The following COX18 variants were observed in gnomAD, a reference collection of about 807,000 sequenced individuals.
COX18 encodes cytochrome c oxidase assembly factor COX18, also known as cytochrome c oxidase assembly protein COX18, mitochondrial.
A neutral mutation model predicts 38.0 loss-of-function variants in COX18; 45 were observed. That is an observed-to-expected ratio of 1.18 (90% confidence interval 0.93 to 1.52). The LOEUF (loss-of-function observed/expected upper bound fraction) is 1.52. COX18 is among the 40% of genes most tolerant of loss of function. COX18 has a pLI of 0.00. For missense variants in COX18, 462 were observed against 423.8 expected, an observed-to-expected ratio of 1.09 and a Z score of -0.79; for synonymous variants, 177 against 169.8, an observed-to-expected ratio of 1.04 and a Z score of -0.33.
intron 5 of COX18, 142 bp downstream of exon 5, chr4:73,061,671 G>GCA (rs1427892974): frequency 7.0e-6 from 4 of 572,272 alleles, no homozygotes; most frequent in African/African-American, 4.3e-5. Flanking sequence ...TCGCGCCACT[G>GCA]CACTCCAGCC....
At chr4:73,062,631 C>T (rs1720232813) in intron 4 of COX18, among the ~76,000 whole-genome samples, 1 of 152,154 alleles carries the variant, frequency 6.6e-6, no homozygotes, top group Non-Finnish European at 1.5e-5. Context: ...GAGTTTGAGA[C>T]CAGCCTAGGC....
chr4:73,068,252 C>T (rs1013230038), intron 1 of COX18, 123 bp from the exon 2 acceptor site: 3 of 619,280 alleles, frequency 4.8e-6, no homozygotes, highest in Non-Finnish European at 8.1e-6. Context: ...ATCAAGAAAT[C>T]TTAATTCTAA....
In COX18 at chr4:73,069,673, A is replaced by T; in HGVS notation, c.-24T>A. On this transcript the variant is annotated 5_prime_UTR_variant, in exon 1 of 6. Coordinates refer to ENST00000507544, the MANE Select transcript of COX18 (RefSeq NM_001297732.2). Reference sequence around the variant, plus strand: ...ATTTCTGCACCACGGCGGAGCCCAGATCCCGGGCCTCACAATCCAGCGGAC... The same window carrying T: ...ATTTCTGCACCACGGCGGAGCCCAGTTCCCGGGCCTCACAATCCAGCGGAC... The T allele has an allele frequency of 6.5e-7, 1 of 1,537,724 alleles. No individual in the cohort carries two copies. The highest frequency in any genetic ancestry group is 8.7e-7 in the Non-Finnish European group (1 of 1,147,048).
rs1446099477 is a variant in COX18, at chr4:73,057,906, AG to A, written c.*207del. 1 of 291,854 alleles carries A rather than the reference AG, an allele frequency of 3.4e-6. No individual in the cohort carries two copies. Among genetic ancestry groups the A allele is most frequent in the Non-Finnish European group, 6.6e-6 (1 of 151,030 alleles). The allele number at this position is 291,854 out of a possible 1,614,324, so 18.1% of individuals were successfully genotyped here. A position where few individuals can be genotyped will look rare whatever the true frequency, so the allele number is the denominator to read the frequency against. ...AGGCTGGTCTCAAACTCCAGACCTC[AG>A]GTGATCCACCCACCTCGACCTCCCA... On this transcript the variant is annotated 3_prime_UTR_variant, in exon 6 of 6. Transcript: ENST00000507544.
At chr4:73,059,094 G>A (rs2110046933) in intron 5 of COX18, among the ~76,000 whole-genome samples, 1 of 152,252 alleles carries the variant, frequency 6.6e-6, no homozygotes, top group South Asian at 2.1e-4. Context: ...GCTCCTAATC[G>A]GCTATGGACC....
intron 4 of COX18, 41 bp downstream of exon 4, chr4:73,064,736 AT>A: frequency 6.2e-7 from 1 of 1,600,496 alleles, no homozygotes. Context: ...AGCAACAAAA[AT>A]CCCCATAAAT....
Position 73,055,517 on chromosome 4 carries a change from GC to G in COX18, c.*2596del, listed in dbSNP as rs1327278685. 6.6e-6 allele frequency: 1 copy of G among 152,132 alleles called. No homozygotes were observed. Among genetic ancestry groups the G allele is most frequent in the African/African-American group, 2.4e-5 (1 of 41,404 alleles). The allele number at this position is 152,132 out of a possible 1,614,324, so 9.4% of individuals were successfully genotyped here. A position where few individuals can be genotyped will look rare whatever the true frequency, so the allele number is the denominator to read the frequency against. On this transcript the variant is annotated 3_prime_UTR_variant, in exon 6 of 6. Transcript: ENST00000507544. ...ATCTAATATACTTATTTTCTCCTAA[GC>G]CTTCCTGAGCTTAGGAACATCAGAA...
chr4:73,069,731 G>C, upstream of COX18: 6 of 1,357,052 alleles, frequency 4.4e-6, no homozygotes, highest in Non-Finnish European at 6.1e-6. Context: ...ATACGCGCAC[G>C]CGCCAGCAAC....
chr4:73,067,981 TGTG>T, intron 2 of COX18, 45 bp downstream of exon 2: 2 of 998,006 alleles, frequency 2.0e-6, no homozygotes, highest in Non-Finnish European at 3.2e-6. Flanking sequence ...TGTGTGTGTG[TGTG>T]TGTGTATGTG....
At position 73,053,321 on chromosome 4, in the gene COX18, G is replaced by C. The variant is rs1719793223; in HGVS notation, c.*4793C>G. On this transcript the variant is annotated 3_prime_UTR_variant, in exon 6 of 6. Transcript: ENST00000507544. ...AGAGGAGGAGTCAGCCCATAAAAGG[G>C]AAGAAAGTTTCGTTATTGGGAAATC... 2 of 152,182 alleles carry C rather than the reference G, an allele frequency of 1.3e-5. No homozygotes were observed. The highest frequency in any genetic ancestry group is 4.8e-5 in the African/African-American group (2 of 41,418). The allele number at this position is 152,182 out of a possible 1,614,324, so 9.4% of individuals were successfully genotyped here.
chr4:73,063,945 C>T (rs182422771), intron 4 of COX18, among the ~76,000 whole-genome samples: 5 of 152,318 alleles, frequency 3.3e-5, no homozygotes, highest in African/African-American at 1.2e-4. Context: ...TATATGCACG[C>T]TTTCCCTAAA....
intron 2 of COX18, 67 bp downstream of exon 2, chr4:73,067,954 ATGTGTGTG>A (rs10610509): frequency 0.055 from 32,112 of 582,758 alleles, 29 homozygotes; most frequent in South Asian, 0.09. Flanking sequence ...CAATTTATGT[ATGTGTGTG>A]TGTGTGTGTG....
intron 2 of COX18, among the ~76,000 whole-genome samples, chr4:73,067,029 T>C (rs528309294): frequency 2.6e-5 from 4 of 152,074 alleles, no homozygotes; most frequent in East Asian, 1.9e-4. Context: ...GATTGAGGAG[T>C]TGATTGAAGC....
intron 1 of COX18, 24 bp downstream of exon 1, chr4:73,069,293 C>A: frequency 1.4e-6 from 2 of 1,472,728 alleles, no homozygotes; most frequent in Non-Finnish European, 1.8e-6. Context: ...GCGCAGGGTA[C>A]GCGCACGGCT....
intron 2 of COX18, among the ~76,000 whole-genome samples, chr4:73,067,580 G>A (rs187010600): frequency 3.8e-4 from 57 of 151,660 alleles, no homozygotes; most frequent in African/African-American, 1.2e-3. Context: ...GGTGGCTCAC[G>A]CCTGTAATCC....
rs896198599 is a variant in COX18 at position 73,067,679 on chromosome 4, A to T, written c.434+350T>A. On this transcript the variant is annotated intron_variant, in intron 2 of 5. Transcript: ENST00000507544. ...AACATGGAGAAACCCCATCTCTACT[A>T]AAAATACAAAATTAGCCAGGCATGG... Among the ~76,000 whole-genome samples, 4 of 150,720 alleles carry T rather than the reference A, an allele frequency of 2.7e-5. No individual in the cohort carries two copies. In the South Asian group the frequency reaches 8.4e-4, roughly 32 times the overall value.
In COX18 at chr4:73,058,358, T is replaced by C. The variant is rs553251431; in HGVS notation, c.832-71A>G. 252 of 1,142,412 alleles carry C rather than the reference T, an allele frequency of 2.2e-4. 6 individuals carry two copies. The South Asian group carries it at 4.0e-3, about 18-fold the overall frequency. 70.8% of individuals were successfully genotyped at this position (1,142,412 alleles called of 1,614,324 possible). On this transcript the variant is annotated intron_variant, in intron 5 of 5. Coordinates refer to ENST00000507544, the MANE Select transcript of COX18 (RefSeq NM_001297732.2). Reference sequence around the variant, plus strand: ...ACATCACAGTCCAGACAATAAAAAATAAAATGACAATCTTTGTAAATACAA... The same window carrying C: ...ACATCACAGTCCAGACAATAAAAAACAAAATGACAATCTTTGTAAATACAA...
chr4:73,068,057 G>A lies in COX18; in HGVS notation c.406C>T (p.Gln136Ter). 6.2e-7 allele frequency: 1 copy of A among 1,610,418 alleles called. No homozygotes were observed. The change falls in exon 2 of 6, where the codon CAG becomes TAG. Residue 136 changes from glutamine to a stop codon, truncating the protein, a stop_gained. Transcript: ENST00000507544. LOFTEE classifies it high-confidence loss of function. ...LNQEVAVRANQLGWSKRDARL... is the reference protein window; with the variant it reads ...LNQEVAVRAN ...GCATCTCTTTTGGACCACCCCAACT[G>A]ATTTGCACGAACTGCAACTTCTTGG...
Position 73,069,634 on chromosome 4 carries a change from C to G in COX18, c.16G>C (p.Gly6Arg). 1.3e-6 allele frequency: 2 copies of G among 1,549,354 alleles called. No homozygotes were observed. Among genetic ancestry groups the G allele is most frequent in the Non-Finnish European group, 1.7e-6 (2 of 1,152,546 alleles). Residue 6 changes from glycine (G) to arginine (R), a missense_variant, in exon 1 of 6, where the codon GGC (glycine) becomes CGC (arginine). By Grantham distance (125) the Gly-to-Arg change is moderately radical (BLOSUM62 -2). Transcript: ENST00000507544. ...GGGAGCGGCCGCAGCCACCGACCGCCGAGCCGGCACAGCATTTCTGCACCA... is the reference window on the plus strand; with the variant it reads ...GGGAGCGGCCGCAGCCACCGACCGCGGAGCCGGCACAGCATTTCTGCACCA... Reference protein sequence around the residue: MLCRLGGRWLRPLPAL... With the variant: MLCRLRGRWLRPLPAL...
Sources: gnomAD v4.1 joint callset for allele counts (sites outside exome capture counted in the v4.1 genomes callset) on GRCh38, gnomAD v4.1.1 for gene constraint, MANE v1.5 for transcripts, NCBI Gene and HGNC (gene_info 2026-07-23, HGNC 2026-07-21) for gene names.